The following DNASE1 variants were observed in gnomAD, a reference collection of about 807,000 sequenced individuals.
The protein encoded by DNASE1 is deoxyribonuclease-1.
A neutral mutation model predicts 33.9 loss-of-function variants in DNASE1; 40 were observed. The ratio of observed to expected loss-of-function variants is 1.18; its 90% CI spans 0.92 to 1.54. DNASE1 has a LOEUF of 1.54. Ranked by LOEUF, DNASE1 falls within the 40% of genes most tolerant of loss-of-function variation. The probability of loss-of-function intolerance (pLI) is 0.00; values close to 1 mark genes in which losing one functional copy is unlikely to be tolerated. For missense variants in DNASE1, 518 were observed against 372.6 expected, an observed-to-expected ratio of 1.39 and a Z score of -3.21; for synonymous variants, 216 against 160.0, an observed-to-expected ratio of 1.35 and a Z score of -2.64.
chr16:3,642,054 C>A (rs925947145), upstream of DNASE1, among the ~76,000 whole-genome samples: 1 of 152,178 alleles, frequency 6.6e-6, no homozygotes, highest in African/African-American at 2.4e-5. Flanking sequence ...GGCAGTGGCC[C>A]CAGGACTGTG....
chr16:3,662,383 C>T (rs1030958067), downstream of DNASE1: 5 of 584,062 alleles, frequency 8.6e-6, no homozygotes, highest in African/African-American at 3.7e-5. Context: ...AGGAGCTGCC[C>T]GAATCCATCG....
upstream of DNASE1, chr16:3,653,806 C>CAAAAAAAAAAAAAAAAAAAAAAAAAAA (rs71133649): frequency 1.3e-4 from 5 of 37,038 alleles, 1 homozygote; most frequent in African/African-American, 5.5e-4. Flanking sequence ...GATTCCGCCT[C>CAAAAAAAAAAAAAAAAAAAAAAAAAAA]AAAAAAAAAA....
At chr16:3,643,377 T>C (rs1017848697) in intron 1 of DNASE1, among the ~76,000 whole-genome samples, 1 of 152,224 alleles carries the variant, frequency 6.6e-6, no homozygotes, top group Non-Finnish European at 1.5e-5. Context: ...AGGGAATAGG[T>C]TGGGGCCTGT....
At chr16:3,631,064 C>A (rs1008589605) in intron 1 of DNASE1, among the ~76,000 whole-genome samples, 2 of 152,104 alleles carry the variant, frequency 1.3e-5, no homozygotes, top group African/African-American at 2.4e-5. Context: ...TTGCTGTCAC[C>A]CAGGCTGGAG....
upstream of DNASE1, among the ~76,000 whole-genome samples, chr16:3,640,298 T>A (rs960803493): frequency 2.0e-5 from 3 of 152,224 alleles, no homozygotes; most frequent in African/African-American, 7.2e-5. Flanking sequence ...ATCCTGGCTC[T>A]GCCTCTGCAG....
intron 1 of DNASE1, among the ~76,000 whole-genome samples, chr16:3,628,292 C>G (rs1162607729): frequency 1.3e-5 from 2 of 152,106 alleles, no homozygotes; most frequent in African/African-American, 2.4e-5. Flanking sequence ...GACTTTGTAT[C>G]CTGCTGCTTT....
intron 1 of DNASE1, among the ~76,000 whole-genome samples, chr16:3,621,784 G>C (rs2041322934): frequency 6.6e-6 from 1 of 152,150 alleles, no homozygotes; most frequent in Non-Finnish European, 1.5e-5. Context: ...AATGGCTAAT[G>C]GTGCATTGAA....
At position 3,663,834 on chromosome 16, in the gene DNASE1, G is replaced by C. The variant is rs534718441; in HGVS notation, c.*5881G>C. ...CACGCCTGTAATCCCAGCACTTTGG[G>C]AGGCCAAAGCAGGCAGATCATGAGG... On this transcript the variant is annotated 3_prime_UTR_variant, in exon 10 of 10. Coordinates refer to the DNASE1 transcript ENST00000407479. 19 of 453,408 alleles carry C rather than the reference G, an allele frequency of 4.2e-5. 1 individual carries two copies. The South Asian group carries it at 5.3e-4, about 13-fold the overall frequency. 28.1% of individuals were successfully genotyped at this position (453,408 alleles called of 1,614,324 possible).
chr16:3,655,080 C>G (rs540530082), intron 1 of DNASE1, 36 bp downstream of exon 1: 7 of 586,582 alleles, frequency 1.2e-5, no homozygotes, highest in African/African-American at 1.1e-4. Flanking sequence ...GGTGACTGGC[C>G]GGTTTGGAGC....
At chr16:3,658,368 C>G, downstream of DNASE1, 3 of 689,806 alleles carry the variant, frequency 4.3e-6, no homozygotes, top group African/African-American at 1.8e-5. Flanking sequence ...TCAGGTGATC[C>G]CCCCGCCTCC....
At chr16:3,654,315 C>T (rs976555569), upstream of DNASE1, 10 of 398,466 alleles carry the variant, frequency 2.5e-5, no homozygotes, top group East Asian at 7.1e-5. Context: ...CCTGGCCCCA[C>T]GGCGCTGGTG....
chr16:3,661,728 A>G (rs2043087288), downstream of DNASE1: 1 of 398,364 alleles, frequency 2.5e-6, no homozygotes, highest in African/African-American at 2.1e-5. Context: ...ACAGGTGGCA[A>G]AGCCATAAAG....
At chr16:3,639,020 A>C (rs1234619367), upstream of DNASE1, among the ~76,000 whole-genome samples, 1 of 152,032 alleles carries the variant, frequency 6.6e-6, no homozygotes, top group Non-Finnish European at 1.5e-5. Flanking sequence ...ATGCCGAACT[A>C]TTGTCCTTGT....
At chr16:3,658,961 A>G (rs2042897206), downstream of DNASE1, 3 of 1,237,770 alleles carry the variant, frequency 2.4e-6, no homozygotes, top group Non-Finnish European at 3.5e-6. Context: ...AAAGAAGCAC[A>G]GTAAGACTGT....
intron 1 of DNASE1, among the ~76,000 whole-genome samples, chr16:3,644,714 G>A (rs1237024908): frequency 1.3e-5 from 2 of 149,430 alleles, no homozygotes; most frequent in African/African-American, 2.5e-5. Flanking sequence ...CAGCCTGGGC[G>A]ACAGAGCGAG....
chr16:3,617,774 CATTTTTACA>C (rs1192960034), intron 1 of DNASE1, among the ~76,000 whole-genome samples: 3 of 152,036 alleles, frequency 2.0e-5, no homozygotes, highest in Non-Finnish European at 2.9e-5. Context: ...GGTGAGACTC[CATTTTTACA>C]AAAATTTTTT....
At chr16:3,659,599 A>G (rs2042946130), downstream of DNASE1, 1 of 152,202 alleles carries the variant, frequency 6.6e-6, no homozygotes, top group Non-Finnish European at 1.5e-5. Context: ...TTTTTCACTT[A>G]GAAGTCTGAT....
downstream of DNASE1, chr16:3,663,052 C>G: frequency 9.8e-7 from 1 of 1,024,284 alleles, no homozygotes; most frequent in South Asian, 1.5e-5. Context: ...GCTTCCAGCT[C>G]CCACCTCCTC....
upstream of DNASE1, among the ~76,000 whole-genome samples, chr16:3,639,371 C>T (rs1035260543): frequency 1.3e-5 from 2 of 152,218 alleles, no homozygotes; most frequent in African/African-American, 4.8e-5. Context: ...AGCCGCCTGG[C>T]AGCTTTCTGG....
Sources: allele counts gnomAD v4.1 joint callset (sites outside exome capture counted in the v4.1 genomes callset), GRCh38; gene constraint gnomAD v4.1.1; transcripts MANE v1.5; gene names NCBI Gene and HGNC (gene_info 2026-07-23, HGNC 2026-07-21).